Variants in DNAAF4 observed in about 807,000 individuals in gnomAD.
The protein encoded by DNAAF4 is dynein assembly factor 4, axonemal.
Under a neutral mutation model 51.8 loss-of-function variants are expected in DNAAF4, and 43 were observed. That is an observed-to-expected ratio of 0.83 (90% CI 0.65 to 1.07). The LOEUF (loss-of-function observed/expected upper bound fraction) is 1.07, where lower values mean the gene tolerates loss of function less well. DNAAF4 is among the 50% of genes least tolerant of loss of function. DNAAF4 has a pLI of 0.00. For synonymous variants in DNAAF4, 194 were observed against 165.6 expected, an observed-to-expected ratio of 1.17 and a Z score of -1.32; for missense variants, 581 against 493.0, an observed-to-expected ratio of 1.18 and a Z score of -1.69.
intron 4 of DNAAF4, among the ~76,000 whole-genome samples, chr15:55,477,264 T>A (rs929759980): frequency 6.6e-6 from 1 of 152,162 alleles, no homozygotes; most frequent in Non-Finnish European, 1.5e-5. Flanking sequence ...TACTTAAAGA[T>A]GGTAAGTTGT....
At chr15:55,480,151 C>G (rs894972696) in intron 4 of DNAAF4, among the ~76,000 whole-genome samples, 1 of 152,116 alleles carries the variant, frequency 6.6e-6, no homozygotes, top group East Asian at 1.9e-4. Flanking sequence ...CTTTTTGAAA[C>G]CCTTAATAAA....
intron 8 of DNAAF4, 61 bp from the exon 9 acceptor site, chr15:55,432,663 AGGCTGGGCATGGTGGCT>A: frequency 6.8e-7 from 1 of 1,467,546 alleles, no homozygotes; most frequent in Non-Finnish European, 9.3e-7. Context: ...AACAAGCAAA[AGGCTGGGCATGGTGGCT>A]CACGCCTGTA....
At chr15:55,445,020 T>G (rs1055105394) in intron 6 of DNAAF4, among the ~76,000 whole-genome samples, 1 of 147,614 alleles carries the variant, frequency 6.8e-6, no homozygotes, top group African/African-American at 2.5e-5. Flanking sequence ...CCTCTTTTCC[T>G]AATTGAATAC....
intron 3 of DNAAF4, among the ~76,000 whole-genome samples, chr15:55,497,413 C>G (rs1341598146): frequency 1.3e-5 from 2 of 151,900 alleles, no homozygotes; most frequent in South Asian, 4.1e-4. Context: ...CCAGCCTGGC[C>G]AACATGGCAA....
intron 1 of DNAAF4, among the ~76,000 whole-genome samples, chr15:55,501,910 G>A (rs2058701400): frequency 6.6e-6 from 1 of 151,962 alleles, no homozygotes; most frequent in South Asian, 2.1e-4. Flanking sequence ...AGAGGTGGTG[G>A]TGTGTGCCTG....
chr15:55,442,897 C>A, intron 6 of DNAAF4: 1 of 1,612,264 alleles, frequency 6.2e-7, no homozygotes, highest in Non-Finnish European at 8.5e-7. Context: ...AATGGCACCT[C>A]CATGAATCAA....
At chr15:55,479,118 C>G (rs902829363) in intron 4 of DNAAF4, among the ~76,000 whole-genome samples, 3 of 150,936 alleles carry the variant, frequency 2.0e-5, no homozygotes, top group Non-Finnish European at 2.9e-5. Flanking sequence ...TATACTAATC[C>G]TGAGACATCT....
At chr15:55,444,596 G>A (rs1049135999) in intron 6 of DNAAF4, among the ~76,000 whole-genome samples, 5 of 152,204 alleles carry the variant, frequency 3.3e-5, no homozygotes, top group African/African-American at 1.2e-4. Flanking sequence ...GTCACTGGTA[G>A]CTTGATGGGG....
rs551342032 is a variant in DNAAF4 at position 55,494,032 on chromosome 15, T to A, written c.272-2776A>T. On this transcript the variant is annotated intron_variant, in intron 3 of 9. Transcript: ENST00000321149. Reference sequence around the variant, plus strand: ...AAAACTGAGTTTGATTTCTTTCTTGTTTTTTTTTTTTTTTGAGACTGAGTT... The same window carrying A: ...AAAACTGAGTTTGATTTCTTTCTTGATTTTTTTTTTTTTTGAGACTGAGTT... Among the ~76,000 whole-genome samples the A allele has an allele frequency of 3.3e-5, 4 of 121,318 alleles. No individual in the cohort carries two copies. In the East Asian group the frequency reaches 8.2e-4, roughly 25 times the overall value. The allele number at this position is 121,318 out of a possible 152,430, so 79.6% of individuals were successfully genotyped here.
intron 4 of DNAAF4, among the ~76,000 whole-genome samples, chr15:55,482,466 C>G (rs142148235): frequency 6.6e-6 from 1 of 152,072 alleles, no homozygotes; most frequent in South Asian, 2.1e-4. Flanking sequence ...CACCTGAGGT[C>G]AAGAGTTAGA....
At chr15:55,462,722 A>G (rs2141493191) in intron 5 of DNAAF4, among the ~76,000 whole-genome samples, 1 of 152,318 alleles carries the variant, frequency 6.6e-6, no homozygotes, top group African/African-American at 2.4e-5. Flanking sequence ...CAAATGCAAC[A>G]GCATATCAAA....
intron 8 of DNAAF4, among the ~76,000 whole-genome samples, chr15:55,433,896 T>A (rs1327711385): frequency 2.4e-5 from 1 of 41,910 alleles, no homozygotes; most frequent in African/African-American, 1.5e-4. Context: ...ATATATATAT[T>A]ATATATATTA....
chr15:55,419,719 G>A (rs1190827810), intron 7 of DNAAF4, among the ~76,000 whole-genome samples: 6 of 152,092 alleles, frequency 3.9e-5, no homozygotes, highest in South Asian at 2.1e-4. Flanking sequence ...AATATTGGCC[G>A]GGTGCGGTGG....
At chr15:55,491,716 TATA>T (rs936244674) in intron 3 of DNAAF4, among the ~76,000 whole-genome samples, 15 of 139,634 alleles carry the variant, frequency 1.1e-4, no homozygotes, top group East Asian at 2.0e-4. Context: ...ACTATTATTA[TATA>T]ATAGTATATA....
chr15:55,428,484 C>CTTTTTTTTTTTTTTTTTTTT (rs747325376), downstream of DNAAF4, among the ~76,000 whole-genome samples: 1 of 85,012 alleles, frequency 1.2e-5, no homozygotes, highest in Non-Finnish European at 2.3e-5. Context: ...TCTTTTTTTT[C>CTTTTTTTTTTTTTTTTTTTT]TTTTTTTTTT....
At chr15:55,441,306 G>A (rs1291777817) in intron 6 of DNAAF4, among the ~76,000 whole-genome samples, 1 of 151,926 alleles carries the variant, frequency 6.6e-6, no homozygotes, top group Non-Finnish European at 1.5e-5. Flanking sequence ...TCCCGACCTT[G>A]TGATCTGCCC....
chr15:55,496,033 C>T (rs1022617684), intron 3 of DNAAF4, among the ~76,000 whole-genome samples: 4 of 152,138 alleles, frequency 2.6e-5, no homozygotes, highest in African/African-American at 9.7e-5. Flanking sequence ...TTGAGACCAG[C>T]CTGGCCAACA....
At chr15:55,485,416 C>T (rs963980369) in intron 4 of DNAAF4, among the ~76,000 whole-genome samples, 27 of 152,178 alleles carry the variant, frequency 1.8e-4, no homozygotes, top group Non-Finnish European at 1.0e-4. Context: ...TGTGTATTCA[C>T]TGATAAGGAT....
intron 7 of DNAAF4, chr15:55,418,488 G>A: frequency 6.5e-7 from 1 of 1,528,714 alleles, no homozygotes; most frequent in South Asian, 1.2e-5. Flanking sequence ...AGAGCAACTG[G>A]ATTTTATCAA....
Sources: gnomAD v4.1 joint callset for allele counts (sites outside exome capture counted in the v4.1 genomes callset) on GRCh38, gnomAD v4.1.1 for gene constraint, MANE v1.5 for transcripts, NCBI Gene and HGNC (gene_info 2026-07-23, HGNC 2026-07-21) for gene names.